Variants in CATSPERB observed in about 807,000 individuals in gnomAD.
CATSPERB encodes the protein catsper channel auxiliary subunit beta, also known as cation channel sperm-associated auxiliary subunit beta.
A neutral mutation model predicts 128.3 loss-of-function variants in CATSPERB; 93 were observed. The ratio of observed to expected loss-of-function variants is 0.72; its 90% confidence interval spans 0.61 to 0.86. CATSPERB has a LOEUF of 0.86. Ranked by LOEUF, CATSPERB falls within the 40% of genes least tolerant of loss-of-function variation. CATSPERB has a pLI of 0.00. For missense variants in CATSPERB, 1,153 were observed against 1,329.5 expected (o/e 0.87, Z 2.06); for synonymous variants, 381 against 448.8 (o/e 0.85, Z 1.91).
intron 22 of CATSPERB, among the ~76,000 whole-genome samples, chr14:91,604,093 A>G (rs992272341): frequency 6.6e-6 from 1 of 151,224 alleles, no homozygotes; most frequent in Non-Finnish European, 1.5e-5. Context: ...CAATGGTGCA[A>G]TCTCAGCTCA....
chr14:91,627,954 G>A (rs1460791903), intron 17 of CATSPERB, among the ~76,000 whole-genome samples: 2 of 152,058 alleles, frequency 1.3e-5, no homozygotes, highest in Non-Finnish European at 2.9e-5. Flanking sequence ...CTCCAGCCTG[G>A]GTAACAGAGT....
At chr14:91,658,410 G>A (rs1157731684) in intron 15 of CATSPERB, among the ~76,000 whole-genome samples, 2 of 151,746 alleles carry the variant, frequency 1.3e-5, no homozygotes, top group Non-Finnish European at 2.9e-5. Flanking sequence ...CATTATGTAG[G>A]GGGAGAATGG....
chr14:91,644,357 C>T (rs1015524506), intron 15 of CATSPERB, among the ~76,000 whole-genome samples: 1 of 144,056 alleles, frequency 6.9e-6, no homozygotes, highest in African/African-American at 2.6e-5. Flanking sequence ...ACCGGTTGTT[C>T]CTTTCCATGT....
chr14:91,728,997 G>A (rs902325393), intron 2 of CATSPERB, among the ~76,000 whole-genome samples: 24 of 152,160 alleles, frequency 1.6e-4, no homozygotes, highest in African/African-American at 5.3e-4. Context: ...TCAGAAATAA[G>A]CAATTTGTAA....
At chr14:91,636,392 C>A in intron 17 of CATSPERB, 33 bp downstream of exon 17, 1 of 1,599,142 alleles carries the variant, frequency 6.3e-7, no homozygotes, top group South Asian at 1.1e-5. Context: ...TTCTAGAAAC[C>A]AATATGCCAT....
At chr14:91,604,871 G>T in intron 22 of CATSPERB, 1 of 1,388,376 alleles carries the variant, frequency 7.2e-7, no homozygotes, top group East Asian at 2.3e-5. Context: ...CCACCTCTTA[G>T]ATTTCATTCT....
chr14:91,582,638 G>C (rs1893224006), intron 26 of CATSPERB, among the ~76,000 whole-genome samples: 1 of 152,078 alleles, frequency 6.6e-6, no homozygotes, highest in African/African-American at 2.4e-5. Context: ...ACCTTTGAGT[G>C]GTACCTTTGC....
At chr14:91,725,678 G>A (rs1896108888) in intron 2 of CATSPERB, among the ~76,000 whole-genome samples, 1 of 152,180 alleles carries the variant, frequency 6.6e-6, no homozygotes, top group Non-Finnish European at 1.5e-5. Context: ...AATCTAGAAG[G>A]CAAGAGATGA....
At chr14:91,625,421 A>ATCT (rs1894141514) in intron 17 of CATSPERB, among the ~76,000 whole-genome samples, 1 of 152,184 alleles carries the variant, frequency 6.6e-6, no homozygotes, top group South Asian at 2.1e-4. Context: ...GTGGGGGAGA[A>ATCT]AGCTTTCTAT....
intron 15 of CATSPERB, among the ~76,000 whole-genome samples, chr14:91,654,586 C>T (rs1178482617): frequency 6.6e-6 from 1 of 152,144 alleles, no homozygotes; most frequent in Non-Finnish European, 1.5e-5. Context: ...AGCTTAGCCG[C>T]AATAGAATAG....
intron 17 of CATSPERB, 87 bp downstream of exon 17, chr14:91,636,338 G>T: frequency 8.0e-7 from 1 of 1,245,318 alleles, no homozygotes; most frequent in Non-Finnish European, 1.1e-6. Flanking sequence ...ACTCCAGCCT[G>T]GATGACAGAG....
chr14:91,580,988 A>T lies in CATSPERB; in HGVS notation c.3252T>A (p.His1084Gln). 1 of 1,614,206 alleles carries T rather than the reference A, an allele frequency of 6.2e-7. No homozygotes were observed. The change falls in exon 27 of 27, where the codon CAT becomes CAA. Residue 1084 changes from histidine (H) to glutamine (Q), a missense_variant. Physicochemically the swap from His to Gln is conservative, Grantham distance 24. Coordinates refer to ENST00000256343, the MANE Select transcript of CATSPERB (RefSeq NM_024764.4). The stretch of plus-strand genomic sequence containing the variant: ...TCCATCTTTGGAATGTCCTCCACGG[A>T]TGGATGCCTTGCAGTTGAAACATAA... ...IAFMFQLQGIHPWRTFQRWIR... is the reference protein window; with the variant it reads ...IAFMFQLQGIQPWRTFQRWIR...
chr14:91,585,225 A>C (rs141085892), intron 26 of CATSPERB, among the ~76,000 whole-genome samples: 75 of 152,058 alleles, frequency 4.9e-4, no homozygotes, highest in African/African-American at 1.7e-3. Flanking sequence ...CATGTTGCTC[A>C]GTTGGTCTTA....
chr14:91,702,406 T>C (rs1895665355), intron 7 of CATSPERB, among the ~76,000 whole-genome samples: 1 of 151,196 alleles, frequency 6.6e-6, no homozygotes, highest in South Asian at 2.1e-4. Flanking sequence ...CGATTACTTT[T>C]GCACCAACCT....
chr14:91,628,676 C>T (rs763106417), intron 17 of CATSPERB, among the ~76,000 whole-genome samples: 23 of 152,186 alleles, frequency 1.5e-4, no homozygotes, highest in African/African-American at 2.7e-4. Context: ...CCTTCATCTT[C>T]CACCATGGCC....
At chr14:91,594,504 A>G (rs1047749167) in intron 22 of CATSPERB, among the ~76,000 whole-genome samples, 1 of 151,454 alleles carries the variant, frequency 6.6e-6, no homozygotes, top group Non-Finnish European at 1.5e-5. Context: ...AAAAAAAAGA[A>G]GTGCCTTTTG....
At chr14:91,621,329 GGT>G (rs1894037896) in intron 19 of CATSPERB, among the ~76,000 whole-genome samples, 1 of 152,190 alleles carries the variant, frequency 6.6e-6, no homozygotes, top group Non-Finnish European at 1.5e-5. Context: ...GAACCCAGGA[GGT>G]GGAGGCTGCA....
At chr14:91,591,527 C>T (rs928475440) in intron 23 of CATSPERB, among the ~76,000 whole-genome samples, 3 of 151,364 alleles carry the variant, frequency 2.0e-5, no homozygotes, top group Non-Finnish European at 4.4e-5. Context: ...GAACCTGATA[C>T]TAGATACTCA....
At chr14:91,647,085 G>C (rs932543192) in intron 15 of CATSPERB, among the ~76,000 whole-genome samples, 6 of 152,176 alleles carry the variant, frequency 3.9e-5, no homozygotes, top group African/African-American at 1.4e-4. Flanking sequence ...TGGGTGTGGT[G>C]GTGGGCACCT....
Sources: allele counts gnomAD v4.1 joint callset (sites outside exome capture counted in the v4.1 genomes callset), GRCh38; gene constraint gnomAD v4.1.1; transcripts MANE v1.5; gene names NCBI Gene and HGNC (gene_info 2026-07-23, HGNC 2026-07-21).